The following MOK variants were observed in gnomAD, a reference collection of about 807,000 sequenced individuals.
The protein encoded by MOK is MOK protein kinase.
MOK carries 59 observed loss-of-function variants against 54.2 expected under a neutral mutation model. The observed-to-expected ratio is 1.09, with a 90% CI of 0.88 to 1.35. The LOEUF is 1.35. Ranked by LOEUF, MOK falls within the 40% of genes most tolerant of loss-of-function variation. The pLI is 0.00. For missense variants in MOK, 517 were observed against 526.2 expected (o/e 0.98, Z 0.17); for synonymous variants, 210 against 202.7 (o/e 1.04, Z -0.31).
Position 102,283,519 on chromosome 14 carries a change from T to C in MOK, c.81A>G (p.Gly27=), listed in dbSNP as rs937450115. The C allele has an allele frequency of 3.1e-6, 5 of 1,613,642 alleles. No homozygotes were observed. The African/African-American group carries it at 6.7e-5, about 22-fold the overall frequency. The stretch of plus-strand genomic sequence containing the variant: ...TCATTTGTTTACATGCATAGTAGTT[T>C]CCATCTCTCAGGCTTTGCATCTTCA... ...EVMKMQSLRD[G]NYYACKQMKQ... Residue 27 remains glycine, a synonymous_variant, in exon 2 of 12, where the codon GGA becomes GGG. Coordinates refer to ENST00000361847, the MANE Select transcript of MOK (RefSeq NM_014226.3).
intron 2 of MOK, among the ~76,000 whole-genome samples, chr14:102,282,961 C>T (rs529240520): frequency 1.6e-4 from 23 of 145,864 alleles, no homozygotes; most frequent in Admixed American, 1.3e-3. Context: ...GGCTAAGTCA[C>T]GAGAATCGCT....
chr14:102,221,314 C>T (rs1190436354), downstream of MOK, among the ~76,000 whole-genome samples: 1 of 152,208 alleles, frequency 6.6e-6, no homozygotes, highest in Non-Finnish European at 1.5e-5. This position sits in a 1 kb window ranked among gnomAD's most constrained non-coding sequence, Gnocchi z 4.8. Flanking sequence ...CCTCCTGGTT[C>T]TGGAGATTTG....
At chr14:102,253,615 G>C (rs1381457380) in intron 4 of MOK, among the ~76,000 whole-genome samples, 1 of 152,226 alleles carries the variant, frequency 6.6e-6, no homozygotes, top group African/African-American at 2.4e-5. Flanking sequence ...GTCCCCTGCA[G>C]CTGCCCTGTA....
chr14:102,230,001 G>C lies in MOK; in HGVS notation c.982-344C>G. On this transcript the variant is annotated intron_variant, in intron 10 of 11. Coordinates refer to ENST00000361847, the MANE Select transcript of MOK (RefSeq NM_014226.3). This position sits in a 1 kb window ranked among gnomAD's most constrained non-coding sequence, Gnocchi z 4.1. ...ATCTGCCTGTCGCCTGGTTTTGGGT[G>C]GCTTGTGAGCTAAGGATGGTTTTAC... 3.5e-6 allele frequency: 1 copy of C among 285,410 alleles called. No homozygotes were observed. The highest frequency in any genetic ancestry group is 6.6e-6 in the Non-Finnish European group (1 of 152,510). The allele number at this position is 285,410 out of a possible 1,614,324, so 17.7% of individuals were successfully genotyped here.
At chr14:102,243,604 T>C (rs1422904480) in intron 7 of MOK, among the ~76,000 whole-genome samples, 1 of 152,216 alleles carries the variant, frequency 6.6e-6, no homozygotes, top group East Asian at 1.9e-4. Context: ...ATATACTTTC[T>C]GCTCCCTGGC....
chr14:102,273,062 T>G (rs1208794411), intron 2 of MOK, among the ~76,000 whole-genome samples: 2 of 151,826 alleles, frequency 1.3e-5, no homozygotes, highest in African/African-American at 4.8e-5. Flanking sequence ...CCCAGCTACT[T>G]GGGAGGCTGA....
chr14:102,218,964 C>A, the MOK span, among the ~76,000 whole-genome samples: 2 of 152,188 alleles, frequency 1.3e-5, no homozygotes, highest in Non-Finnish European at 2.9e-5. Context: ...CCCTTTTCTC[C>A]CATGAAAAGG....
intron 2 of MOK, among the ~76,000 whole-genome samples, chr14:102,272,433 C>T (rs1017100311): frequency 4.0e-5 from 6 of 151,624 alleles, no homozygotes; most frequent in Non-Finnish European, 8.8e-5. Context: ...GCCGAGATCA[C>T]GCCACCACAC....
chr14:102,222,519 G>C (rs1310648530), downstream of MOK, among the ~76,000 whole-genome samples: 1 of 152,198 alleles, frequency 6.6e-6, no homozygotes, highest in East Asian at 1.9e-4. This position sits in a 1 kb window ranked among gnomAD's most constrained non-coding sequence, Gnocchi z 4.4. Flanking sequence ...GGTCAGCAAA[G>C]CTCCAAAGAA....
chr14:102,248,501 C>T (rs1029082866), intron 7 of MOK, among the ~76,000 whole-genome samples: 8 of 152,116 alleles, frequency 5.3e-5, no homozygotes, highest in Middle Eastern at 3.4e-3. Context: ...CTGGGATGGC[C>T]GGGGCAGTGG....
At chr14:102,234,715 G>C (rs902906506) in intron 7 of MOK, among the ~76,000 whole-genome samples, 1 of 151,988 alleles carries the variant, frequency 6.6e-6, no homozygotes, top group African/African-American at 2.4e-5. Context: ...GCCCTAAAAG[G>C]CTTATCTTTT....
intron 2 of MOK, among the ~76,000 whole-genome samples, chr14:102,273,923 T>A (rs922187955): frequency 1.3e-5 from 2 of 152,180 alleles, no homozygotes; most frequent in Non-Finnish European, 2.9e-5. Flanking sequence ...ATAGACTCAA[T>A]ACAATCCTAT....
chr14:102,242,058 TCTGA>T (rs1327147666), intron 7 of MOK, among the ~76,000 whole-genome samples: 2 of 152,256 alleles, frequency 1.3e-5, no homozygotes, highest in Non-Finnish European at 2.9e-5. Flanking sequence ...CCCAAGGCTC[TCTGA>T]CTGACTCCTT....
chr14:102,241,240 C>T (rs933324468), intron 7 of MOK, among the ~76,000 whole-genome samples: 1 of 152,160 alleles, frequency 6.6e-6, no homozygotes, highest in South Asian at 2.1e-4. Context: ...TCCTTTTCTA[C>T]AGACCCATCT....
chr14:102,291,034 C>A (rs1362157650), intron 1 of MOK, among the ~76,000 whole-genome samples: 1 of 152,184 alleles, frequency 6.6e-6, no homozygotes, highest in Admixed American at 6.6e-5. Context: ...TAGCTCCCAG[C>A]AAGGCAGGGT....
intron 7 of MOK, among the ~76,000 whole-genome samples, chr14:102,242,805 T>C (rs2065818465): frequency 6.6e-6 from 1 of 152,124 alleles, no homozygotes; most frequent in Non-Finnish European, 1.5e-5. Context: ...TAAACCCATA[T>C]ACTCTCCTAT....
intron 1 of MOK, among the ~76,000 whole-genome samples, chr14:102,298,386 C>T (rs529949113): frequency 5.9e-5 from 9 of 152,288 alleles, no homozygotes; most frequent in African/African-American, 2.2e-4. Flanking sequence ...CACCCTGTAT[C>T]TAGCTCACGG....
intron 2 of MOK, among the ~76,000 whole-genome samples, chr14:102,281,450 G>C (rs2069418983): frequency 7.3e-6 from 1 of 137,862 alleles, no homozygotes; most frequent in South Asian, 2.2e-4. Flanking sequence ...AGTGAGCTGA[G>C]ATCACACCAC....
intron 7 of MOK, among the ~76,000 whole-genome samples, chr14:102,242,022 C>A (rs921993002): frequency 6.6e-6 from 1 of 152,232 alleles, no homozygotes; most frequent in Non-Finnish European, 1.5e-5. Flanking sequence ...GCCCAGCAGC[C>A]ACTCCCAGAG....
Sources: allele counts gnomAD v4.1 joint callset (sites outside exome capture counted in the v4.1 genomes callset), GRCh38; gene constraint gnomAD v4.1.1; non-coding constraint Gnocchi (gnomAD v3.1); transcripts MANE v1.5; gene names NCBI Gene and HGNC (gene_info 2026-07-23, HGNC 2026-07-21).